The following ARHGEF10 variants were observed in gnomAD, a reference collection of about 807,000 sequenced individuals.
ARHGEF10 encodes the protein Rho guanine nucleotide exchange factor 10.
A neutral mutation model predicts 147.4 loss-of-function variants in ARHGEF10; 140 were observed. The observed-to-expected ratio is 0.95, with a 90% CI of 0.83 to 1.09. The LOEUF is 1.09. Ranked by LOEUF, ARHGEF10 falls within the 50% of genes least tolerant of loss-of-function variation. ARHGEF10 has a pLI of 0.00. For missense variants in ARHGEF10, 2,222 were observed against 1,752.7 expected, an observed-to-expected ratio of 1.27 and a Z score of -4.78; for synonymous variants, 902 against 695.8, an observed-to-expected ratio of 1.30 and a Z score of -4.67.
intron 1 of ARHGEF10, among the ~76,000 whole-genome samples, chr8:1,837,556 A>C (rs1354621102): frequency 6.6e-6 from 1 of 152,212 alleles, no homozygotes; most frequent in Non-Finnish European, 1.5e-5. Context: ...GGCTTAAGGA[A>C]ACAGAATTCT....
At chr8:1,826,515 T>G (rs1802783315) in intron 1 of ARHGEF10, among the ~76,000 whole-genome samples, 1 of 151,998 alleles carries the variant, frequency 6.6e-6, no homozygotes, top group African/African-American at 2.4e-5. Context: ...TGGGTTGAGG[T>G]GGGGAAGCTT....
In ARHGEF10 at chr8:1,933,768, A is replaced by G. The variant is rs765406779; in HGVS notation, c.3080-32A>G. ...TCCCATTCCTGTGCACAGAAAACTG[A>G]ACTTGAATGAAATGAAATATTTTCT... On this transcript the variant is annotated intron_variant, in intron 25 of 28. Coordinates refer to ENST00000349830, the MANE Select transcript of ARHGEF10 (RefSeq NM_014629.4). 3 of 1,613,926 alleles carry G rather than the reference A, an allele frequency of 1.9e-6. No homozygotes were observed. In the Admixed American group the frequency reaches 5.0e-5, roughly 27 times the overall value.
chr8:1,923,949 G>C, intron 21 of ARHGEF10, 75 bp downstream of exon 21: 1 of 1,383,668 alleles, frequency 7.2e-7, no homozygotes, highest in South Asian at 1.2e-5. Flanking sequence ...GGTGAGGTCA[G>C]GGTTGAGAAG....
At position 1,922,097 on chromosome 8, in the gene ARHGEF10, G is replaced by A. The variant is rs188412443; in HGVS notation, c.2144-867G>A. ...GGAGATGGGGGAATCTGTCCTCTGA[G>A]CCTGTGGGCCCGTCGTGGGATTTAG... On this transcript the variant is annotated intron_variant, in intron 18 of 28. Coordinates refer to ENST00000349830, the MANE Select transcript of ARHGEF10 (RefSeq NM_014629.4). Among the ~76,000 whole-genome samples, 6 of 152,162 alleles carry A rather than the reference G, an allele frequency of 3.9e-5. No homozygotes were observed. In the East Asian group the frequency reaches 1.2e-3, roughly 29 times the overall value.
chr8:1,950,261 G>A (rs778277694), intron 27 of ARHGEF10, among the ~76,000 whole-genome samples: 4 of 152,216 alleles, frequency 2.6e-5, no homozygotes, highest in Non-Finnish European at 5.9e-5. Context: ...CTAGGTCACT[G>A]TTGGTGCTTC....
chr8:1,909,787 T>G (rs1235804655), intron 18 of ARHGEF10, among the ~76,000 whole-genome samples: 1 of 152,200 alleles, frequency 6.6e-6, no homozygotes, highest in Non-Finnish European at 1.5e-5. Context: ...AAATCAGGAC[T>G]TGGCAGTGCT....
At chr8:1,863,602 G>A (rs996481153) in intron 4 of ARHGEF10, among the ~76,000 whole-genome samples, 5 of 152,138 alleles carry the variant, frequency 3.3e-5, no homozygotes, top group Admixed American at 6.5e-5. Flanking sequence ...CACGTGGCCC[G>A]CACCCACGCA....
chr8:1,935,211 A>AC lies in ARHGEF10; in HGVS notation c.3222+1275dup, dbSNP rs554702294. Among the ~76,000 whole-genome samples the AC allele has an allele frequency of 2.9e-3, 446 of 151,560 alleles. 1 individual carries two copies. Among genetic ancestry groups the AC allele is most frequent in the Non-Finnish European group, 4.1e-3 (279 of 67,918 alleles). ...TGTACCCCTCCTCCCACACACGCAC[A>AC]CCCCCCACAACCCCCCATCAGCCCC... On this transcript the variant is annotated intron_variant, in intron 26 of 28. Transcript: ENST00000349830.
chr8:1,902,852 G>A (rs115955905), intron 15 of ARHGEF10, among the ~76,000 whole-genome samples: 1 of 152,332 alleles, frequency 6.6e-6, no homozygotes, highest in African/African-American at 2.4e-5. Context: ...CACCATGGGT[G>A]CAGTATTCGG....
At position 1,838,681 on chromosome 8, in the gene ARHGEF10, A is replaced by G. The variant is rs181801953; in HGVS notation, c.-47-4672A>G. 5.0e-4 allele frequency among the ~76,000 whole-genome samples: 76 copies of G among 152,350 alleles called. 1 individual carries two copies. The highest frequency in any genetic ancestry group is 4.8e-3 in the Admixed American group (73 of 15,290). ...CAGTGTGGTCCTCTCTGTCCATGGG[A>G]TCCGATTGTCGGAAGCATTGATGCC... On this transcript the variant is annotated intron_variant, in intron 1 of 28. Coordinates refer to ENST00000349830, the MANE Select transcript of ARHGEF10 (RefSeq NM_014629.4).
intron 26 of ARHGEF10, among the ~76,000 whole-genome samples, chr8:1,944,349 G>C (rs949258594): frequency 6.6e-6 from 1 of 151,680 alleles, no homozygotes; most frequent in African/African-American, 2.4e-5. Context: ...GTAGGCTGGA[G>C]TCCTCTGGCC....
chr8:1,957,692 T>A lies in ARHGEF10; in HGVS notation c.*429T>A. 1 of 161,984 alleles carries A rather than the reference T, an allele frequency of 6.2e-6. No homozygotes were observed. Among genetic ancestry groups the A allele is most frequent in the Non-Finnish European group, 1.3e-5 (1 of 74,572 alleles). The allele number at this position is 161,984 out of a possible 1,614,324, so 10.0% of individuals were successfully genotyped here. A position where few individuals can be genotyped will look rare whatever the true frequency, so the allele number is the denominator to read the frequency against. Reference sequence around the variant, plus strand: ...GCATTTATTAACAATTCTTAAAAGTTTTACCTGATTCAGATTCACGACTTT... The same window carrying A: ...GCATTTATTAACAATTCTTAAAAGTATTACCTGATTCAGATTCACGACTTT... On this transcript the variant is annotated 3_prime_UTR_variant, in exon 29 of 29. Transcript: ENST00000349830.
chr8:1,865,827 G>A (rs565402267), intron 5 of ARHGEF10, among the ~76,000 whole-genome samples: 89 of 152,278 alleles, frequency 5.8e-4, no homozygotes, highest in Non-Finnish European at 9.4e-4. Context: ...GTGTCTCTGC[G>A]CTGCCACCGG....
At chr8:1,865,796 C>G (rs764357209) in intron 5 of ARHGEF10, among the ~76,000 whole-genome samples, 1 of 152,230 alleles carries the variant, frequency 6.6e-6, no homozygotes, top group Non-Finnish European at 1.5e-5. Flanking sequence ...CACTCTGCTT[C>G]CGGTCTTGGC....
rs115781544 is a variant in ARHGEF10, at chr8:1,926,482, G to A, written c.2697+19G>A. Reference sequence around the variant, plus strand: ...CCTGTGGGTAAGATGTGTTTATTTGGTTTTGGTACAAGTTCACAGAGAATC... The same window carrying A: ...CCTGTGGGTAAGATGTGTTTATTTGATTTTGGTACAAGTTCACAGAGAATC... On this transcript the variant is annotated intron_variant, in intron 23 of 28. Transcript: ENST00000349830. The A allele has an allele frequency of 8.9e-4, 1,428 of 1,607,232 alleles. 13 individuals carry two copies. The African/African-American group carries it at 0.016, about 18-fold the overall frequency.
chr8:1,831,874 G>T (rs934513748), intron 1 of ARHGEF10, among the ~76,000 whole-genome samples: 1 of 152,176 alleles, frequency 6.6e-6, no homozygotes, highest in East Asian at 1.9e-4. Context: ...TGTGGCCCTG[G>T]GTCAGGAGTG....
chr8:1,864,788 C>T (rs1046996419), intron 5 of ARHGEF10, among the ~76,000 whole-genome samples: 1 of 152,212 alleles, frequency 6.6e-6, no homozygotes, highest in African/African-American at 2.4e-5. Flanking sequence ...CGCCTGCAGG[C>T]GGGTGGGGTA....
At chr8:1,950,278 G>A (rs1485143253) in intron 27 of ARHGEF10, among the ~76,000 whole-genome samples, 1 of 152,204 alleles carries the variant, frequency 6.6e-6, no homozygotes, top group Admixed American at 6.5e-5. Flanking sequence ...CTTCCGGACG[G>A]GCACGGGACG....
chr8:1,932,355 G>T (rs1212649401), intron 25 of ARHGEF10, among the ~76,000 whole-genome samples: 3 of 152,220 alleles, frequency 2.0e-5, no homozygotes, highest in Admixed American at 2.0e-4. Context: ...GTGTGTGCAG[G>T]CGTGTGTGTG....
Sources: gnomAD v4.1 joint callset for allele counts (sites outside exome capture counted in the v4.1 genomes callset) on GRCh38, gnomAD v4.1.1 for gene constraint, MANE v1.5 for transcripts, NCBI Gene and HGNC (gene_info 2026-07-23, HGNC 2026-07-21) for gene names.